TAOK1: variants seen among roughly 807,000 people sequenced by gnomAD.
The protein encoded by TAOK1 is TAO kinase 1, also known as serine/threonine-protein kinase TAO1.
In TAOK1, 21 loss-of-function variants were observed where a neutral mutation model predicts 138.3. The observed-to-expected ratio is 0.15, with a 90% confidence interval of 0.11 to 0.22. The LOEUF (loss-of-function observed/expected upper bound fraction) is 0.22, where lower values mean the gene tolerates loss of function less well. TAOK1 is among the 10% of genes least tolerant of loss of function. The pLI, the probability that TAOK1 is intolerant of heterozygous loss-of-function variation, is 1.00. For missense variants in TAOK1, 651 were observed against 1,227.7 expected (o/e 0.53, Z 7.02); for synonymous variants, 361 against 398.4 (o/e 0.91, Z 1.12).
intron 1 of TAOK1, among the ~76,000 whole-genome samples, chr17:29,396,406 C>T (rs1016696443): frequency 1.1e-4 from 17 of 152,128 alleles, no homozygotes; most frequent in African/African-American, 3.9e-4. Context: ...AAGTGCCTTG[C>T]ATAATAGATA....
chr17:29,505,334 C>A (rs1025325840), intron 13 of TAOK1, among the ~76,000 whole-genome samples: 4 of 152,020 alleles, frequency 2.6e-5, no homozygotes, highest in African/African-American at 9.7e-5. Flanking sequence ...TACAGTTATC[C>A]CTCAGTATCT....
At chr17:29,501,883 A>G (rs567722186) in intron 12 of TAOK1, among the ~76,000 whole-genome samples, 2 of 152,274 alleles carry the variant, frequency 1.3e-5, no homozygotes, top group South Asian at 2.1e-4. Context: ...CAAAAAATAC[A>G]AAAGTTAGCT....
At chr17:29,498,818 T>C (rs766319699) in intron 12 of TAOK1, among the ~76,000 whole-genome samples, 1 of 151,824 alleles carries the variant, frequency 6.6e-6, no homozygotes, top group Non-Finnish European at 1.5e-5. Flanking sequence ...CCCACCTACT[T>C]GGGAGGTTGA....
In TAOK1 at chr17:29,543,729, T is replaced by G. The variant is rs1800451233; in HGVS notation, c.*707T>G. On this transcript the variant is annotated 3_prime_UTR_variant, in exon 20 of 20. Transcript: ENST00000261716. The stretch of plus-strand genomic sequence containing the variant: ...AAACAACTTAGTTTTTCTTTTTTCC[T>G]GAATGCGTCATAGGCTTGTGAGTGA... 1 of 152,222 alleles carries G rather than the reference T, an allele frequency of 6.6e-6. No homozygotes were observed. Among genetic ancestry groups the G allele is most frequent in the African/African-American group, 2.4e-5 (1 of 41,454 alleles). 9.4% of individuals were successfully genotyped at this position (152,222 alleles called of 1,614,324 possible).
chr17:29,402,944 G>T (rs1050948106), intron 1 of TAOK1, among the ~76,000 whole-genome samples: 1 of 151,458 alleles, frequency 6.6e-6, no homozygotes, highest in Non-Finnish European at 1.5e-5. Flanking sequence ...GGAGGCCGAA[G>T]TGGGCAGATC....
intron 1 of TAOK1, among the ~76,000 whole-genome samples, chr17:29,441,826 A>G (rs923136641): frequency 3.3e-5 from 5 of 151,852 alleles, no homozygotes; most frequent in African/African-American, 1.2e-4. Flanking sequence ...TGAACCCAGG[A>G]GGCGGAGGTT....
chr17:29,468,134 A>ATTTT (rs2030720265), intron 3 of TAOK1, among the ~76,000 whole-genome samples: 1 of 48,808 alleles, frequency 2.0e-5, no homozygotes, highest in African/African-American at 1.5e-4. Context: ...GCCTGCTTTC[A>ATTTT]ATTTTTTTTT....
intron 2 of TAOK1, among the ~76,000 whole-genome samples, chr17:29,463,077 T>G (rs1229579863): frequency 6.6e-6 from 1 of 152,174 alleles, no homozygotes; most frequent in Non-Finnish European, 1.5e-5. Context: ...TCAAGTTCAT[T>G]TGTTAATATT....
chr17:29,429,435 C>T (rs893505118), intron 1 of TAOK1, among the ~76,000 whole-genome samples: 3 of 151,980 alleles, frequency 2.0e-5, no homozygotes, highest in Admixed American at 2.0e-4. Context: ...CCACCAGGAC[C>T]GGCTAATTTT....
chr17:29,526,753 A>G (rs568177238), intron 17 of TAOK1, among the ~76,000 whole-genome samples: 1 of 149,712 alleles, frequency 6.7e-6, no homozygotes, highest in Admixed American at 6.8e-5. Context: ...CAGCCTGAGC[A>G]ACATAGTGAG....
chr17:29,521,214 G>A, intron 16 of TAOK1, among the ~76,000 whole-genome samples: 1 of 152,120 alleles, frequency 6.6e-6, no homozygotes. Context: ...CCAAACTGTT[G>A]GCCTCTGGGG....
At chr17:29,402,769 G>A (rs1366445939) in intron 1 of TAOK1, among the ~76,000 whole-genome samples, 1 of 151,966 alleles carries the variant, frequency 6.6e-6, no homozygotes, top group Non-Finnish European at 1.5e-5. Context: ...AGACGTGATG[G>A]GTCATGTCTT....
chr17:29,419,102 G>A (rs1598472861), intron 1 of TAOK1, among the ~76,000 whole-genome samples: 1 of 151,756 alleles, frequency 6.6e-6, no homozygotes, highest in African/African-American at 2.4e-5. Context: ...TCATTTATTC[G>A]GGTCTTTTTC....
chr17:29,517,665 G>T lies in TAOK1; in HGVS notation c.1908+9G>T. Reference sequence around the variant, plus strand: ...AGGACCTTGTCAGGGAGGTAAGTTTGAGTGATGAGAAATTTTAAATCCTTT... The same window carrying T: ...AGGACCTTGTCAGGGAGGTAAGTTTTAGTGATGAGAAATTTTAAATCCTTT... On this transcript the variant is annotated intron_variant, in intron 16 of 19. Transcript: ENST00000261716. 1 of 1,585,168 alleles carries T rather than the reference G, an allele frequency of 6.3e-7. No individual in the cohort carries two copies. Among genetic ancestry groups the T allele is most frequent in the South Asian group, 1.1e-5 (1 of 87,150 alleles).
chr17:29,442,803 TCA>T (rs2029980221), intron 1 of TAOK1, among the ~76,000 whole-genome samples: 1 of 152,128 alleles, frequency 6.6e-6, no homozygotes, highest in African/African-American at 2.4e-5. Flanking sequence ...ATGCCTGTAA[TCA>T]CAGCACTTAG....
At chr17:29,453,689 G>A (rs571391160) in intron 2 of TAOK1, among the ~76,000 whole-genome samples, 19 of 151,912 alleles carry the variant, frequency 1.3e-4, no homozygotes, top group African/African-American at 4.6e-4. Context: ...CAATTCTCCT[G>A]CCTCAACCTC....
At chr17:29,450,857 A>G (rs1177243000) in intron 1 of TAOK1, among the ~76,000 whole-genome samples, 1 of 152,192 alleles carries the variant, frequency 6.6e-6, no homozygotes. Context: ...ATATAAAGGA[A>G]TTGATAGGAC....
chr17:29,456,827 G>A (rs2030389776), intron 2 of TAOK1, among the ~76,000 whole-genome samples: 4 of 150,096 alleles, frequency 2.7e-5, no homozygotes, highest in Admixed American at 2.6e-4. Flanking sequence ...TCTGCCTCCC[G>A]GGTTCACTCC....
chr17:29,518,772 T>C (rs371129240), intron 16 of TAOK1, among the ~76,000 whole-genome samples: 2 of 148,984 alleles, frequency 1.3e-5, no homozygotes, highest in Admixed American at 6.7e-5. Flanking sequence ...ATTTATTTAT[T>C]TATTTATTTA....
Sources: gnomAD v4.1 joint callset for allele counts (sites outside exome capture counted in the v4.1 genomes callset) on GRCh38, gnomAD v4.1.1 for gene constraint, MANE v1.5 for transcripts, NCBI Gene and HGNC (gene_info 2026-07-23, HGNC 2026-07-21) for gene names.